PCDHA8: variants seen among roughly 807,000 people sequenced by gnomAD.
PCDHA8 encodes the protein protocadherin alpha-8.
PCDHA8 carries 53 observed loss-of-function variants against 61.8 expected under a neutral mutation model. The observed-to-expected ratio is 0.86, with a 90% CI of 0.69 to 1.08. The LOEUF (loss-of-function observed/expected upper bound fraction) is 1.08. Ranked by LOEUF, PCDHA8 falls within the 50% of genes least tolerant of loss-of-function variation. The pLI is 0.00. For synonymous variants in PCDHA8, 618 were observed against 556.6 expected (o/e 1.11, Z -1.55); for missense variants, 1,293 against 1,245.0 (o/e 1.04, Z -0.58).
chr5:140,847,580 C>T (rs1350641732), intron 1 of PCDHA8: 1 of 149,008 alleles, frequency 6.7e-6, no homozygotes, highest in African/African-American at 2.5e-5. Flanking sequence ...TAAGGATGAG[C>T]AATAATGAAA....
chr5:140,884,125 C>T (rs1554181246), intron 1 of PCDHA8: 1 of 1,613,416 alleles, frequency 6.2e-7, no homozygotes, highest in Admixed American at 1.7e-5. Context: ...TCGGCGCGCG[C>T]ATCCCGTTCC....
At chr5:140,968,396 G>A (rs1181874720) in intron 1 of PCDHA8, 1 of 1,613,890 alleles carries the variant, frequency 6.2e-7, no homozygotes, top group Non-Finnish European at 8.5e-7. Flanking sequence ...GAAGTTTCGG[G>A]AGTTCTTTGT....
chr5:140,858,813 G>A, intron 1 of PCDHA8: 1 of 351,180 alleles, frequency 2.8e-6, no homozygotes, highest in South Asian at 3.4e-5. Flanking sequence ...ATTTTGATTT[G>A]ATTGTATTTG....
At chr5:140,849,962 G>A in intron 1 of PCDHA8, 1 of 1,597,888 alleles carries the variant, frequency 6.3e-7, no homozygotes, top group Admixed American at 1.7e-5. Context: ...AGAACGCCCT[G>A]GTGTCCTACT....
chr5:140,871,419 C>T, intron 1 of PCDHA8: 1 of 1,613,732 alleles, frequency 6.2e-7, no homozygotes, highest in South Asian at 1.1e-5. Flanking sequence ...TGGCCTTCAG[C>T]CCCAGTCTTC....
chr5:140,880,449 T>G (rs2058348423), intron 1 of PCDHA8, among the ~76,000 whole-genome samples: 1 of 152,024 alleles, frequency 6.6e-6, no homozygotes. Flanking sequence ...TAGTAGAAAA[T>G]GAAAACAGAT....
intron 1 of PCDHA8, chr5:140,929,103 G>A: frequency 6.2e-7 from 1 of 1,614,180 alleles, no homozygotes; most frequent in African/African-American, 1.3e-5. Flanking sequence ...ATCCTTGCAT[G>A]ACATCAGCCA....
chr5:140,844,559 T>A (rs2150371995), intron 1 of PCDHA8, among the ~76,000 whole-genome samples: 6 of 149,706 alleles, frequency 4.0e-5, no homozygotes, highest in African/African-American at 1.5e-4. Flanking sequence ...AGTTGGAATA[T>A]TTTCAATAAT....
intron 1 of PCDHA8, among the ~76,000 whole-genome samples, chr5:140,909,331 G>T (rs1162078506): frequency 6.6e-6 from 1 of 152,226 alleles, no homozygotes; most frequent in Admixed American, 6.5e-5. Context: ...ATCAATGGTT[G>T]CATACCAGGT....
In PCDHA8 at chr5:140,982,208, G is replaced by A. The variant is rs146224628; in HGVS notation, c.2454-267G>A. 246 of 434,966 alleles carry A rather than the reference G, an allele frequency of 5.7e-4. 1 individual carries two copies. The highest frequency in any genetic ancestry group is 7.4e-4 in the Non-Finnish European group (200 of 268,658). 26.9% of individuals were successfully genotyped at this position (434,966 alleles called of 1,614,324 possible). ...GGGCTTCCTGTTAGATTTAGTGAGC[G>A]CCACATGGCGTTAATAAAAAACAGA... On this transcript the variant is annotated intron_variant, in intron 2 of 3. Coordinates refer to ENST00000531613, the MANE Select transcript of PCDHA8 (RefSeq NM_018911.3).
intron 1 of PCDHA8, chr5:140,876,390 T>C (rs782772987): frequency 1.2e-6 from 2 of 1,613,902 alleles, no homozygotes; most frequent in African/African-American, 1.3e-5. Context: ...GAATTTATGG[T>C]GAACTGGATT....
chr5:140,919,207 T>C (rs1554198972), intron 1 of PCDHA8, among the ~76,000 whole-genome samples: 1 of 152,222 alleles, frequency 6.6e-6, no homozygotes, highest in Non-Finnish European at 1.5e-5. Context: ...CATTATAAAA[T>C]GTCCTTCTTG....
intron 1 of PCDHA8, chr5:140,859,160 T>C (rs1554152196): frequency 6.7e-6 from 1 of 150,194 alleles, no homozygotes; most frequent in Non-Finnish European, 1.5e-5. Context: ...CTCTTCATTA[T>C]CTGCTCCTTT....
Position 140,842,464 on chromosome 5 carries a change from C to T in PCDHA8, c.1143C>T (p.Ala381=), listed in dbSNP as rs2150336696. The change falls in exon 1 of 4, where the codon GCC becomes GCT. Residue 381 remains alanine, a synonymous_variant. Coordinates refer to ENST00000531613, the MANE Select transcript of PCDHA8 (RefSeq NM_018911.3). The part of the protein sequence containing the change: ...LISVNDLDSG[A]NGQVTCSLMP... ...GCGTGAACGACCTCGATTCAGGTGC[C>T]AACGGGCAGGTGACCTGCTCCCTGA... 1.1e-4 allele frequency: 180 copies of T among 1,613,798 alleles called. 1 individual carries two copies. The highest frequency in any genetic ancestry group is 1.5e-4 in the Non-Finnish European group (172 of 1,179,758).
chr5:140,849,833 C>A, intron 1 of PCDHA8: 1 of 1,598,398 alleles, frequency 6.3e-7, no homozygotes, highest in South Asian at 1.1e-5. Context: ...TGGAGGTGGC[C>A]GACGTGAACG....
chr5:141,001,020 TATA>T (rs539315208), intron 3 of PCDHA8, among the ~76,000 whole-genome samples: 5 of 152,250 alleles, frequency 3.3e-5, no homozygotes, highest in Non-Finnish European at 5.9e-5. Context: ...GATATACACT[TATA>T]ATAATAGCTT....
intron 2 of PCDHA8, among the ~76,000 whole-genome samples, chr5:140,980,790 T>G (rs557225636): frequency 5.3e-4 from 80 of 152,312 alleles, no homozygotes; most frequent in African/African-American, 1.9e-3. Flanking sequence ...TGCCATTTCT[T>G]TTTTGCATTG....
intron 1 of PCDHA8, among the ~76,000 whole-genome samples, chr5:140,969,910 A>G (rs1364534841): frequency 9.9e-5 from 15 of 152,216 alleles, no homozygotes; most frequent in African/African-American, 3.6e-4. Context: ...GTCACAAGTG[A>G]TAAAGCTGTA....
intron 1 of PCDHA8, among the ~76,000 whole-genome samples, chr5:140,944,398 G>C (rs1326523434): frequency 4.6e-5 from 7 of 152,104 alleles, no homozygotes; most frequent in African/African-American, 2.4e-5. Flanking sequence ...TGTTATCCAG[G>C]CTGGTCTCGA....
Sources: gnomAD v4.1 joint callset for allele counts (sites outside exome capture counted in the v4.1 genomes callset) on GRCh38, gnomAD v4.1.1 for gene constraint, MANE v1.5 for transcripts, NCBI Gene and HGNC (gene_info 2026-07-23, HGNC 2026-07-21) for gene names.